Variants in RBFOX1 observed in about 807,000 individuals in gnomAD.
RBFOX1 encodes RNA binding protein fox-1 homolog 1.
Under a neutral mutation model 57.7 loss-of-function variants are expected in RBFOX1, and 8 were observed. The ratio of observed to expected loss-of-function variants is 0.14; its 90% CI spans 0.08 to 0.25. The LOEUF (loss-of-function observed/expected upper bound fraction) is 0.25, where lower values mean the gene tolerates loss of function less well. RBFOX1 is among the 10% of genes least tolerant of loss of function. The pLI is 1.00. For missense variants in RBFOX1, 611 were observed against 548.5 expected (o/e 1.11, Z -1.14); for synonymous variants, 326 against 222.4 (o/e 1.47, Z -4.15).
At chr16:6,973,060 G>A (rs549597280) in intron 3 of RBFOX1, among the ~76,000 whole-genome samples, 1 of 152,266 alleles carries the variant, frequency 6.6e-6, no homozygotes, top group South Asian at 2.1e-4. Flanking sequence ...GAACCTGGGA[G>A]GTGGAGGCTG....
intron 1 of RBFOX1, among the ~76,000 whole-genome samples, chr16:5,275,990 G>T (rs2063131097): frequency 6.6e-6 from 1 of 152,150 alleles, no homozygotes; most frequent in Admixed American, 6.5e-5. Context: ...ACATGTAAAA[G>T]AATAAAACTG....
At chr16:7,137,612 A>G (rs139330803) in intron 4 of RBFOX1, among the ~76,000 whole-genome samples, 4,764 of 152,274 alleles carry the variant, frequency 0.031, 249 homozygotes, top group African/African-American at 0.11. Context: ...TGTCTTTATC[A>G]GCAGCCTGAA....
In RBFOX1 at chr16:6,996,765, A is replaced by G. The variant is rs77905364; in HGVS notation, c.-15-55292A>G. Among the ~76,000 whole-genome samples, 6 of 152,230 alleles carry G rather than the reference A, an allele frequency of 3.9e-5. No homozygotes were observed. The East Asian group carries it at 1.2e-3, about 29-fold the overall frequency. On this transcript the variant is annotated intron_variant, in intron 3 of 15. Transcript: ENST00000550418. Reference sequence around the variant, plus strand: ...TTTTGAGCACTTTTCTACATGTCAGATAGAGGGATTTAATTTTTTACTCAT... The same window carrying G: ...TTTTGAGCACTTTTCTACATGTCAGGTAGAGGGATTTAATTTTTTACTCAT...
chr16:6,194,648 C>A (rs566508127), intron 1 of RBFOX1, among the ~76,000 whole-genome samples: 1 of 152,202 alleles, frequency 6.6e-6, no homozygotes, highest in Admixed American at 6.5e-5. Context: ...TCCAGGCATT[C>A]TTTCCCTGAG....
rs1228998199 is a variant in RBFOX1 at position 5,559,703 on chromosome 16, T to A, written c.259-39199T>A. On this transcript the variant is annotated intron_variant, in intron 2 of 2. Transcript: ENST00000585867. ...TTGGAATGTAAATAAACTTCCCAAATCTCTTTCTTCCTAGGTCATTCTGTC... is the reference window on the plus strand; with the variant it reads ...TTGGAATGTAAATAAACTTCCCAAAACTCTTTCTTCCTAGGTCATTCTGTC... Among the ~76,000 whole-genome samples the A allele has an allele frequency of 2.0e-5, 3 of 152,216 alleles. No individual in the cohort carries two copies. In the East Asian group the frequency reaches 5.8e-4, roughly 29 times the overall value.
At chr16:7,264,528 T>G (rs2095054574) in intron 4 of RBFOX1, among the ~76,000 whole-genome samples, 1 of 152,194 alleles carries the variant, frequency 6.6e-6, no homozygotes, top group Admixed American at 6.5e-5. Flanking sequence ...CCACGTAGTC[T>G]CTGCCACAAG....
rs1402177106 is a variant in RBFOX1, at chr16:6,899,276, G to A, written c.-15-152781G>A. Among the ~76,000 whole-genome samples the A allele has an allele frequency of 3.3e-5, 5 of 152,202 alleles. 1 individual carries two copies. In the South Asian group the frequency reaches 6.2e-4, roughly 19 times the overall value. On this transcript the variant is annotated intron_variant, in intron 3 of 15. Coordinates refer to ENST00000550418, the MANE Select transcript of RBFOX1 (RefSeq NM_018723.4). The stretch of plus-strand genomic sequence containing the variant: ...GTGCATGTGTGTATAACGTGTGCAT[G>A]TATGTGTGTATAATACATATGTGTA...
intron 2 of RBFOX1, among the ~76,000 whole-genome samples, chr16:5,586,096 G>A (rs1489431185): frequency 2.0e-5 from 3 of 152,202 alleles, no homozygotes; most frequent in Non-Finnish European, 4.4e-5. Flanking sequence ...AACAGAGGCA[G>A]AGACGGGACT....
At chr16:7,293,274 T>C (rs1603530883) in intron 4 of RBFOX1, among the ~76,000 whole-genome samples, 1 of 152,312 alleles carries the variant, frequency 6.6e-6, no homozygotes, top group East Asian at 1.9e-4. Flanking sequence ...TGCATTGTAT[T>C]AGTAAACCTA....
At chr16:7,599,638 C>G (rs1267524220) in intron 9 of RBFOX1, among the ~76,000 whole-genome samples, 1 of 62,804 alleles carries the variant, frequency 1.6e-5, no homozygotes, top group Non-Finnish European at 3.7e-5. Flanking sequence ...TTAATAAAGA[C>G]TTTTTTTTTT....
chr16:7,659,902 C>G (rs1464749689), intron 12 of RBFOX1, among the ~76,000 whole-genome samples: 5 of 152,210 alleles, frequency 3.3e-5, no homozygotes, highest in South Asian at 2.1e-4. Context: ...TAAAAATTCT[C>G]TAGGAAAATA....
chr16:6,902,047 A>C (rs561142231), intron 3 of RBFOX1, among the ~76,000 whole-genome samples: 6 of 152,338 alleles, frequency 3.9e-5, no homozygotes, highest in African/African-American at 1.4e-4. Context: ...TTTACCTGAC[A>C]TATGGAAATA....
chr16:6,688,167 C>T (rs538376475), intron 3 of RBFOX1, among the ~76,000 whole-genome samples: 1 of 151,648 alleles, frequency 6.6e-6, no homozygotes, highest in African/African-American at 2.4e-5. Context: ...TTTCAGAAGA[C>T]TTTCAGTCAT....
chr16:6,674,611 C>T lies in RBFOX1; in HGVS notation c.-16+19961C>T, dbSNP rs149752235. 2.8e-4 allele frequency among the ~76,000 whole-genome samples: 43 copies of T among 152,214 alleles called. No individual in the cohort carries two copies. In the East Asian group the frequency reaches 6.2e-3, roughly 22 times the overall value. ...TGTTGGAATTACAGGCGTGAGCCAC[C>T]GTGCCCAGCCCGAATGGGCTCTTAT... is the stretch of plus-strand genomic sequence containing the variant. On this transcript the variant is annotated intron_variant, in intron 3 of 15. Coordinates refer to ENST00000550418, the MANE Select transcript of RBFOX1 (RefSeq NM_018723.4).
chr16:5,270,927 T>G, intron 1 of RBFOX1: 1 of 399,008 alleles, frequency 2.5e-6, no homozygotes, highest in South Asian at 2.1e-5. Flanking sequence ...CTGATGGGTA[T>G]GAACCACTAG....
chr16:5,822,387 T>A (rs1383952283), intron 3 of RBFOX1, among the ~76,000 whole-genome samples: 1 of 152,114 alleles, frequency 6.6e-6, no homozygotes, highest in Non-Finnish European at 1.5e-5. Context: ...CTAAATAACT[T>A]ACTCATGTAA....
intron 1 of RBFOX1, among the ~76,000 whole-genome samples, chr16:6,040,054 C>T (rs1330880369): frequency 6.6e-6 from 1 of 152,216 alleles, no homozygotes; most frequent in Non-Finnish European, 1.5e-5. Context: ...GAGATAGCTT[C>T]TCCTATTAAC....
chr16:5,567,172 G>C (rs1260082780), intron 2 of RBFOX1, among the ~76,000 whole-genome samples: 1 of 152,186 alleles, frequency 6.6e-6, no homozygotes, highest in Non-Finnish European at 1.5e-5. Flanking sequence ...CGGTGCCCAG[G>C]AGAGAAAGAT....
intron 4 of RBFOX1, among the ~76,000 whole-genome samples, chr16:5,944,737 G>A (rs142192791): frequency 7.1e-6 from 1 of 140,004 alleles, no homozygotes; most frequent in Non-Finnish European, 1.5e-5. Context: ...GGCAGATCAC[G>A]AGGTCAAGAG....
Sources: gnomAD v4.1 joint callset for allele counts (sites outside exome capture counted in the v4.1 genomes callset) on GRCh38, gnomAD v4.1.1 for gene constraint, MANE v1.5 for transcripts, NCBI Gene and HGNC (gene_info 2026-07-23, HGNC 2026-07-21) for gene names.